DENND11: variants seen among roughly 807,000 people sequenced by gnomAD.
DENND11 encodes the protein DENN domain-containing protein 11.
In DENND11, 34 loss-of-function variants were observed where a neutral mutation model predicts 49.2. The ratio of observed to expected loss-of-function variants is 0.69; its 90% CI spans 0.53 to 0.92. DENND11 has a LOEUF of 0.92. Among genes scored for constraint, DENND11 ranks in the 40% least tolerant of loss-of-function variants. The pLI, the probability that DENND11 is intolerant of heterozygous loss-of-function variation, is 0.00. For missense variants in DENND11, 475 were observed against 581.6 expected (o/e 0.82, Z 1.88); for synonymous variants, 238 against 230.3 (o/e 1.03, Z -0.30).
chr7:141,701,353 G>A (rs1798510392), intron 1 of DENND11, among the ~76,000 whole-genome samples: 1 of 147,978 alleles, frequency 6.8e-6, no homozygotes, highest in Non-Finnish European at 1.5e-5. Context: ...AAGCGACGGG[G>A]AGCTAGGGCG....
intron 3 of DENND11, among the ~76,000 whole-genome samples, chr7:141,680,284 T>G (rs1798128061): frequency 6.7e-6 from 1 of 148,640 alleles, no homozygotes; most frequent in Non-Finnish European, 1.5e-5. Context: ...AAAGGCTAGG[T>G]GCAAAACAAC....
Position 141,664,186 on chromosome 7 carries a change from C to A in DENND11, c.1158G>T (p.Glu386Asp), listed in dbSNP as rs1401035511. ...CCAGGACTCACAGCACGAAGAGGTCCTCTTCACAAGGGTTGTAGTCTTCTT... is the reference window on the plus strand; with the variant it reads ...CCAGGACTCACAGCACGAAGAGGTCATCTTCACAAGGGTTGTAGTCTTCTT... ...EVEEDYNPCE[E>D]DLFVLFFLEQ... The change falls in exon 8 of 9, where the codon GAG becomes GAT. Residue 386 changes from glutamate (E) to aspartate (D), a missense_variant. Coordinates refer to ENST00000536163, the MANE Select transcript of DENND11 (RefSeq NM_001080392.2). The A allele has an allele frequency of 1.3e-6, 2 of 1,582,816 alleles. No homozygotes were observed. The highest frequency in any genetic ancestry group is 1.7e-6 in the Non-Finnish European group (2 of 1,162,976).
intron 1 of DENND11, among the ~76,000 whole-genome samples, chr7:141,698,528 C>T (rs1264395186): frequency 2.6e-5 from 4 of 152,148 alleles, no homozygotes; most frequent in Non-Finnish European, 5.9e-5. Context: ...GAACCTGAAG[C>T]CCCTAGTTCT....
At position 141,684,016 on chromosome 7, in the gene DENND11, C is replaced by T. The variant is rs150827140; in HGVS notation, c.527+1462G>A. ...AATCATAGCTCACTGCAGCATTGAA[C>T]TTCTGGGCTCAAGCCATCCTCTCAC... On this transcript the variant is annotated intron_variant, in intron 3 of 8. Coordinates refer to ENST00000536163, the MANE Select transcript of DENND11 (RefSeq NM_001080392.2). 7.3e-4 allele frequency among the ~76,000 whole-genome samples: 111 copies of T among 152,318 alleles called. 2 individuals are homozygous for T. In the East Asian group the frequency reaches 0.016, roughly 21 times the overall value.
chr7:141,667,261 C>T (rs925974133), intron 4 of DENND11, among the ~76,000 whole-genome samples: 1 of 152,122 alleles, frequency 6.6e-6, no homozygotes, highest in Admixed American at 6.5e-5. Flanking sequence ...CCCTGAATTG[C>T]CTTCTAGGAA....
intron 3 of DENND11, 100 bp from the exon 4 acceptor site, chr7:141,674,320 C>T: frequency 7.1e-7 from 1 of 1,412,902 alleles, no homozygotes; most frequent in Admixed American, 3.0e-5. Flanking sequence ...CCTCAAGGGG[C>T]TGTAACACTC....
At position 141,685,029 on chromosome 7, in the gene DENND11, AATATAT is replaced by A. The variant is rs1167922771; in HGVS notation, c.527+443_527+448del. Among the ~76,000 whole-genome samples, 348 of 91,458 alleles carry A rather than the reference AATATAT, an allele frequency of 3.8e-3. 4 individuals are homozygous for A. Among genetic ancestry groups the A allele is most frequent in the African/African-American group, 5.7e-3 (131 of 23,162 alleles). 60.0% of individuals were successfully genotyped at this position (91,458 alleles called of 152,430 possible). ...GTCTCTACCAAAAAAAAAAAAAAAA[AATATAT>A]ATATATATATATATATATATATATT... On this transcript the variant is annotated intron_variant, in intron 3 of 8. Coordinates refer to ENST00000536163, the MANE Select transcript of DENND11 (RefSeq NM_001080392.2).
intron 1 of DENND11, 39 bp downstream of exon 1, chr7:141,701,847 C>A: frequency 8.6e-7 from 1 of 1,165,292 alleles, no homozygotes; most frequent in Non-Finnish European, 1.1e-6. Flanking sequence ...GGGGGCACCC[C>A]GACCCTCCCC....
chr7:141,683,713 C>T (rs1798185612), intron 3 of DENND11, among the ~76,000 whole-genome samples: 1 of 152,130 alleles, frequency 6.6e-6, no homozygotes, highest in South Asian at 2.1e-4. Flanking sequence ...CAGACAAAGA[C>T]AGACTCTATA....
intron 1 of DENND11, among the ~76,000 whole-genome samples, chr7:141,694,696 G>T (rs537500306): frequency 6.6e-6 from 1 of 152,284 alleles, no homozygotes; most frequent in South Asian, 2.1e-4. Flanking sequence ...TGTTGAATCT[G>T]TTCCAAAGCA....
rs1797793335 is a variant in DENND11 at position 141,661,534 on chromosome 7, T to A, written c.*1122A>T. 2 of 152,352 alleles carry A rather than the reference T, an allele frequency of 1.3e-5. No homozygotes were observed. Among genetic ancestry groups the A allele is most frequent in the Non-Finnish European group, 2.9e-5 (2 of 68,048 alleles). The allele number at this position is 152,352 out of a possible 1,614,324, so 9.4% of individuals were successfully genotyped here. On this transcript the variant is annotated 3_prime_UTR_variant, in exon 9 of 9. Coordinates refer to ENST00000536163, the MANE Select transcript of DENND11 (RefSeq NM_001080392.2). ...AAATCTGTTATGTCCCTGGATCCAA[T>A]TATTTAGCCTAAGGAATGTCACCTC...
chr7:141,679,070 G>A (rs1025022529), intron 3 of DENND11, among the ~76,000 whole-genome samples: 2 of 152,210 alleles, frequency 1.3e-5, no homozygotes, highest in Non-Finnish European at 2.9e-5. Context: ...CACAGATTAA[G>A]TGTTGCAGAA....
rs757973907 is a variant in DENND11, at chr7:141,685,549, C to T, written c.456G>A (p.Lys152=). The change falls in exon 3 of 9, where the codon AAG becomes AAA. Residue 152 remains lysine, a synonymous_variant. Transcript: ENST00000536163. ...AGGAGGGAGAGAGGATGCCCACAGA[C>T]TTCATCCGCGCGCCACGTTCCAGCT... ...ESELERGARM[K]SVGILSPSYT... is the part of the protein sequence containing the mutation. 1 of 1,613,988 alleles carries T rather than the reference C, an allele frequency of 6.2e-7. No individual in the cohort carries two copies. The highest frequency in any genetic ancestry group is 2.2e-5 in the East Asian group (1 of 44,878).
At chr7:141,672,604 C>T (rs999524987) in intron 4 of DENND11, among the ~76,000 whole-genome samples, 2 of 152,210 alleles carry the variant, frequency 1.3e-5, no homozygotes, top group African/African-American at 4.8e-5. Flanking sequence ...AGATGAGCCC[C>T]TAACCCTGGC....
intron 2 of DENND11, 129 bp from the exon 3 acceptor site, chr7:141,685,765 G>T (rs1263239998): frequency 3.0e-6 from 3 of 1,007,338 alleles, no homozygotes; most frequent in Non-Finnish European, 4.3e-6. Flanking sequence ...AAACAAGCGG[G>T]CCAAGCCACA....
intron 4 of DENND11, 70 bp from the exon 5 acceptor site, chr7:141,666,495 A>G: frequency 7.2e-7 from 1 of 1,388,486 alleles, no homozygotes; most frequent in Non-Finnish European, 9.6e-7. Flanking sequence ...AGCAAAAGGT[A>G]TCTAATCTCC....
At chr7:141,699,052 C>T (rs574858964) in intron 1 of DENND11, among the ~76,000 whole-genome samples, 1 of 151,960 alleles carries the variant, frequency 6.6e-6, no homozygotes, top group South Asian at 2.1e-4. Context: ...GGCAGGCCAG[C>T]GAGAGAAACT....
At chr7:141,664,021 G>GGTTT in intron 8 of DENND11, 151 bp downstream of exon 8, 1 of 583,486 alleles carries the variant, frequency 1.7e-6, no homozygotes, top group Non-Finnish European at 3.1e-6. Context: ...TCAGGGCTCA[G>GGTTT]GTTTGCCTCT....
intron 3 of DENND11, among the ~76,000 whole-genome samples, chr7:141,676,299 TTTA>T (rs1798059544): frequency 2.0e-5 from 3 of 152,324 alleles, no homozygotes; most frequent in Admixed American, 2.0e-4. Context: ...TGAGAATCAT[TTTA>T]TTATATTTTT....
Sources: allele counts gnomAD v4.1 joint callset (sites outside exome capture counted in the v4.1 genomes callset), GRCh38; gene constraint gnomAD v4.1.1; transcripts MANE v1.5; gene names NCBI Gene and HGNC (gene_info 2026-07-23, HGNC 2026-07-21).